The following TBC1D22A variants were observed in gnomAD, a reference collection of about 807,000 sequenced individuals.
The protein encoded by TBC1D22A is TBC1 domain family member 22A, also known as putative GTPase activator.
Under a neutral mutation model 60.2 loss-of-function variants are expected in TBC1D22A, and 38 were observed. That is an observed-to-expected ratio of 0.63 (90% confidence interval 0.49 to 0.83). The LOEUF (loss-of-function observed/expected upper bound fraction) is 0.83, where lower values mean the gene tolerates loss of function less well. TBC1D22A is among the 40% of genes least tolerant of loss of function. The pLI, the probability that TBC1D22A is intolerant of heterozygous loss-of-function variation, is 0.00. For missense variants in TBC1D22A, 628 were observed against 701.0 expected, an observed-to-expected ratio of 0.90 and a Z score of 1.18; for synonymous variants, 302 against 281.7, an observed-to-expected ratio of 1.07 and a Z score of -0.72.
intron 4 of TBC1D22A, among the ~76,000 whole-genome samples, chr22:46,843,402 C>T (rs1435908063): frequency 6.6e-6 from 1 of 150,522 alleles, no homozygotes; most frequent in African/African-American, 2.5e-5. Flanking sequence ...GCAGCTCTTC[C>T]TCCTGGGATG....
chr22:46,912,597 C>A (rs2070027749), intron 8 of TBC1D22A, among the ~76,000 whole-genome samples: 1 of 152,168 alleles, frequency 6.6e-6, no homozygotes, highest in South Asian at 2.1e-4. Flanking sequence ...TGCTCTGCTG[C>A]CCAGGCTGGA....
rs370178498 is a variant in TBC1D22A, at chr22:46,879,356, G to A, written c.708+633G>A. ...CTCGTACACTTAGCTCAGGCTTGCCGTTGGAAGTGAGTTTGGCCCTGCCCA... is the reference window on the plus strand; with the variant it reads ...CTCGTACACTTAGCTCAGGCTTGCCATTGGAAGTGAGTTTGGCCCTGCCCA... On this transcript the variant is annotated intron_variant, in intron 5 of 12. Coordinates refer to ENST00000337137, the MANE Select transcript of TBC1D22A (RefSeq NM_014346.5). 9.0e-4 allele frequency among the ~76,000 whole-genome samples: 137 copies of A among 152,290 alleles called. 2 individuals carry two copies. In the South Asian group the frequency reaches 0.027, roughly 29 times the overall value.
At position 46,891,253 on chromosome 22, in the gene TBC1D22A, A is replaced by G. The variant is rs780728633; in HGVS notation, c.709-13A>G. On this transcript the variant is annotated splice_polypyrimidine_tract_variant and intron_variant, in intron 5 of 12. Coordinates refer to ENST00000337137, the MANE Select transcript of TBC1D22A (RefSeq NM_014346.5). ...CTATAACCATGTATATTTTTTGTTTATTTCTCACCCAGGGTTACCTTCCCG... is the reference window on the plus strand; with the variant it reads ...CTATAACCATGTATATTTTTTGTTTGTTTCTCACCCAGGGTTACCTTCCCG... 6.3e-7 allele frequency: 1 copy of G among 1,590,674 alleles called. No homozygotes were observed. Among genetic ancestry groups the G allele is most frequent in the South Asian group, 1.1e-5 (1 of 87,022 alleles).
At position 46,877,252 on chromosome 22, in the gene TBC1D22A, G is replaced by A. The variant is rs553015110; in HGVS notation, c.638-1401G>A. Reference sequence around the variant, plus strand: ...TTTTGAGGATCAAATAAGATAATATGTATGAAAGCTCTCTTTTAACACCAA... The same window carrying A: ...TTTTGAGGATCAAATAAGATAATATATATGAAAGCTCTCTTTTAACACCAA... On this transcript the variant is annotated intron_variant, in intron 4 of 12. Coordinates refer to ENST00000337137, the MANE Select transcript of TBC1D22A (RefSeq NM_014346.5). 1.6e-4 allele frequency among the ~76,000 whole-genome samples: 25 copies of A among 152,308 alleles called. No homozygotes were observed. In the South Asian group the frequency reaches 5.2e-3, roughly 32 times the overall value.
intron 8 of TBC1D22A, chr22:46,913,358 A>C (rs1476159340): frequency 2.9e-6 from 4 of 1,366,418 alleles, no homozygotes; most frequent in Non-Finnish European, 3.9e-6. Flanking sequence ...GGTCGGCCTC[A>C]GATTCCCATC....
intron 11 of TBC1D22A, among the ~76,000 whole-genome samples, chr22:47,093,176 T>G (rs1162380076): frequency 6.6e-6 from 1 of 152,184 alleles, no homozygotes; most frequent in Non-Finnish European, 1.5e-5. Context: ...GATAGGCGTG[T>G]GCAGGCGGTG....
intron 5 of TBC1D22A, among the ~76,000 whole-genome samples, chr22:46,882,387 G>A (rs2067896290): frequency 6.6e-6 from 1 of 152,160 alleles, no homozygotes. Flanking sequence ...TGTTACGTCG[G>A]TTCTTGGGGG....
At chr22:46,803,393 G>C (rs924117687) in intron 4 of TBC1D22A, among the ~76,000 whole-genome samples, 1 of 152,206 alleles carries the variant, frequency 6.6e-6, no homozygotes, top group African/African-American at 2.4e-5. Flanking sequence ...GGAGGCCTGA[G>C]GAAGGGCGGC....
intron 4 of TBC1D22A, among the ~76,000 whole-genome samples, chr22:46,803,284 C>T (rs1026882303): frequency 6.6e-6 from 1 of 152,170 alleles, no homozygotes; most frequent in South Asian, 2.1e-4. Context: ...ACAGTGAGGG[C>T]AGAGCTGGCT....
At chr22:46,847,963 G>A (rs971511574) in intron 4 of TBC1D22A, among the ~76,000 whole-genome samples, 10 of 141,750 alleles carry the variant, frequency 7.1e-5, no homozygotes, top group South Asian at 2.3e-4. Flanking sequence ...GTGCGCGCGC[G>A]CACGCGCTCT....
intron 4 of TBC1D22A, among the ~76,000 whole-genome samples, chr22:46,837,565 G>T (rs1301124674): frequency 6.6e-6 from 1 of 152,146 alleles, no homozygotes; most frequent in Non-Finnish European, 1.5e-5. Flanking sequence ...ACACAATGGT[G>T]TGATACTAGA....
At chr22:46,884,268 G>A (rs1018188276) in intron 5 of TBC1D22A, among the ~76,000 whole-genome samples, 7 of 152,280 alleles carry the variant, frequency 4.6e-5, no homozygotes, top group Non-Finnish European at 1.0e-4. Flanking sequence ...GGTCAGGGTG[G>A]GCCGCACTGA....
chr22:46,935,895 C>G (rs935072303), intron 8 of TBC1D22A, among the ~76,000 whole-genome samples: 8 of 150,584 alleles, frequency 5.3e-5, no homozygotes, highest in African/African-American at 9.8e-5. Flanking sequence ...TGTCTCCTGG[C>G]CCCTCCTCTG....
chr22:46,817,366 T>A (rs2085648068), intron 4 of TBC1D22A, among the ~76,000 whole-genome samples: 1 of 152,160 alleles, frequency 6.6e-6, no homozygotes, highest in Non-Finnish European at 1.5e-5. Flanking sequence ...CTGCACCTAT[T>A]GACCTGTCAC....
At chr22:46,996,008 G>A (rs941096038) in intron 9 of TBC1D22A, among the ~76,000 whole-genome samples, 3 of 152,332 alleles carry the variant, frequency 2.0e-5, no homozygotes, top group Admixed American at 6.5e-5. Flanking sequence ...ACAGCTGCCC[G>A]TGTAGACCTG....
chr22:46,929,274 T>C (rs2071218023), intron 8 of TBC1D22A, among the ~76,000 whole-genome samples: 1 of 152,220 alleles, frequency 6.6e-6, no homozygotes, highest in South Asian at 2.1e-4. Context: ...AGGTTAGTCT[T>C]GTGATGCATT....
Position 46,997,632 on chromosome 22 carries a change from A to T in TBC1D22A, c.1126-2A>T, listed in dbSNP as rs1400012556. 1 of 1,612,474 alleles carries T rather than the reference A, an allele frequency of 6.2e-7. No homozygotes were observed. The highest frequency in any genetic ancestry group is 8.5e-7 in the Non-Finnish European group (1 of 1,179,010). ...TGATTCACATTATTCTTTTTTCCTT[A>T]GGACAACTACACCTTTGCCCAACCT... On this transcript the variant is annotated splice_acceptor_variant, in intron 9 of 12. Coordinates refer to ENST00000337137, the MANE Select transcript of TBC1D22A (RefSeq NM_014346.5). LOFTEE classifies it high-confidence loss of function.
At chr22:46,941,516 A>G (rs558586538) in intron 8 of TBC1D22A, among the ~76,000 whole-genome samples, 3 of 146,326 alleles carry the variant, frequency 2.1e-5, no homozygotes, top group African/African-American at 7.5e-5. Context: ...TATACGGAAT[A>G]TATATACACG....
chr22:46,987,673 T>A (rs144393913), intron 9 of TBC1D22A, among the ~76,000 whole-genome samples: 81 of 152,370 alleles, frequency 5.3e-4, no homozygotes, highest in African/African-American at 1.9e-3. Flanking sequence ...ATGCGAATGA[T>A]CATCTGAGCC....
Sources: allele counts gnomAD v4.1 joint callset (sites outside exome capture counted in the v4.1 genomes callset), GRCh38; gene constraint gnomAD v4.1.1; transcripts MANE v1.5; gene names NCBI Gene and HGNC (gene_info 2026-07-23, HGNC 2026-07-21).